Variants in CSMD1 observed in about 807,000 individuals in gnomAD.
The protein encoded by CSMD1 is CUB and Sushi multiple domains 1, also known as CUB and sushi domain-containing protein 1.
CSMD1 carries 213 observed loss-of-function variants against 417.5 expected under a neutral mutation model. The ratio of observed to expected loss-of-function variants is 0.51; its 90% CI spans 0.46 to 0.57. The LOEUF is 0.57. CSMD1 is among the 20% of genes least tolerant of loss of function. The probability of loss-of-function intolerance (pLI) is 0.00; values close to 1 mark genes in which losing one functional copy is unlikely to be tolerated. For missense variants in CSMD1, 6,923 were observed against 4,529.7 expected (o/e 1.53, Z -15.17); for synonymous variants, 2,862 against 1,736.8 (o/e 1.65, Z -16.11).
At chr8:4,173,373 T>A (rs556951645) in intron 3 of CSMD1, among the ~76,000 whole-genome samples, 1 of 152,094 alleles carries the variant, frequency 6.6e-6, no homozygotes, top group Non-Finnish European at 1.5e-5. Context: ...GAACAGAAGA[T>A]GAGACAGAGG....
chr8:3,054,045 C>T (rs764755395), intron 49 of CSMD1, among the ~76,000 whole-genome samples: 56 of 152,284 alleles, frequency 3.7e-4, no homozygotes, highest in Non-Finnish European at 7.1e-4. Context: ...CCTAAGGTGA[C>T]ACAATGACTT....
intron 1 of CSMD1, among the ~76,000 whole-genome samples, chr8:4,722,285 A>T (rs577326360): frequency 5.3e-5 from 8 of 152,212 alleles, no homozygotes; most frequent in African/African-American, 1.9e-4. Flanking sequence ...TTAAATACAG[A>T]CTGCAAGAAA....
intron 8 of CSMD1, among the ~76,000 whole-genome samples, chr8:3,613,925 A>C (rs987065002): frequency 3.9e-5 from 6 of 152,172 alleles, no homozygotes; most frequent in Non-Finnish European, 8.8e-5. Flanking sequence ...ATACATTTAA[A>C]GAAGAAAAAG....
chr8:3,597,300 G>C (rs1387254153), intron 8 of CSMD1, among the ~76,000 whole-genome samples: 2 of 152,084 alleles, frequency 1.3e-5, no homozygotes, highest in African/African-American at 2.4e-5. Flanking sequence ...TTCTGAAGCT[G>C]AGCACAGCTT....
intron 10 of CSMD1, among the ~76,000 whole-genome samples, chr8:3,529,735 C>G (rs967529025): frequency 6.6e-6 from 1 of 152,136 alleles, no homozygotes; most frequent in Non-Finnish European, 1.5e-5. Flanking sequence ...GTTTTACTCA[C>G]AGGAAACGGA....
chr8:4,974,302 A>T (rs534188260), intron 1 of CSMD1, among the ~76,000 whole-genome samples: 1 of 152,154 alleles, frequency 6.6e-6, no homozygotes, highest in Admixed American at 6.6e-5. Context: ...CTGGGATTAC[A>T]GGCGCAAGAT....
intron 1 of CSMD1, among the ~76,000 whole-genome samples, chr8:4,808,063 T>A (rs1363674875): frequency 6.6e-6 from 1 of 152,182 alleles, no homozygotes; most frequent in East Asian, 1.9e-4. Flanking sequence ...TAAATAATAC[T>A]CGTGTGGGCT....
intron 5 of CSMD1, among the ~76,000 whole-genome samples, chr8:3,965,020 G>A (rs1812575640): frequency 6.6e-6 from 1 of 152,186 alleles, no homozygotes; most frequent in Admixed American, 6.5e-5. Flanking sequence ...TAAAGTAGGT[G>A]ATAGTTTCTA....
At chr8:3,978,785 A>T (rs1221452788) in intron 5 of CSMD1, among the ~76,000 whole-genome samples, 1 of 152,100 alleles carries the variant, frequency 6.6e-6, no homozygotes, top group Admixed American at 6.6e-5. Context: ...TTTTAAGGGA[A>T]AGCAGCTTTC....
rs5889000 is a variant in CSMD1 at position 3,933,031 on chromosome 8, T to TA, written c.818+64871dup. Among the ~76,000 whole-genome samples the TA allele has an allele frequency of 6.2e-4, 88 of 143,048 alleles. 2 individuals carry two copies. Among genetic ancestry groups the TA allele is most frequent in the East Asian group, 2.5e-3 (12 of 4,786 alleles). The allele number at this position is 143,048 out of a possible 152,430, so 93.8% of individuals were successfully genotyped here. A position where few individuals can be genotyped will look rare whatever the true frequency, so the allele number is the denominator to read the frequency against. ...ATTATAGAACAAGTGAAATGTATGA[T>TA]AAAAAAAAAAAACTGCTTGTGGCAA... On this transcript the variant is annotated intron_variant, in intron 5 of 69. Coordinates refer to ENST00000635120, the MANE Select transcript of CSMD1 (RefSeq NM_033225.6).
At chr8:4,319,649 C>T (rs1445752067) in intron 3 of CSMD1, among the ~76,000 whole-genome samples, 1 of 151,996 alleles carries the variant, frequency 6.6e-6, no homozygotes, top group Non-Finnish European at 1.5e-5. Context: ...CAGTTCACTG[C>T]CTGGAAAGAG....
chr8:3,970,498 T>C (rs1813005524), intron 5 of CSMD1, among the ~76,000 whole-genome samples: 1 of 152,196 alleles, frequency 6.6e-6, no homozygotes, highest in Non-Finnish European at 1.5e-5. Flanking sequence ...AATGTTCACA[T>C]TCTTGGTTTT....
At chr8:4,192,359 G>A (rs188223082) in intron 3 of CSMD1, among the ~76,000 whole-genome samples, 29 of 152,246 alleles carry the variant, frequency 1.9e-4, no homozygotes, top group African/African-American at 7.0e-4. Context: ...GTTCTTGGAT[G>A]TCTTAGAGAC....
chr8:4,434,208 A>T (rs1238522), intron 2 of CSMD1, among the ~76,000 whole-genome samples: 96,110 of 151,904 alleles, frequency 0.63, 30,452 homozygotes, highest in Admixed American at 0.66. Context: ...CATGGTAATG[A>T]GCACCTGTAA....
chr8:4,120,995 CT>C (rs1218935929), intron 3 of CSMD1, among the ~76,000 whole-genome samples: 9 of 152,252 alleles, frequency 5.9e-5, no homozygotes, highest in Middle Eastern at 6.8e-3. Flanking sequence ...AAACATGAAC[CT>C]TTTGATGGCT....
intron 10 of CSMD1, among the ~76,000 whole-genome samples, chr8:3,506,221 C>CT (rs1264478708): frequency 6.6e-6 from 1 of 152,124 alleles, no homozygotes; most frequent in Non-Finnish European, 1.5e-5. Flanking sequence ...GGAGACGGCC[C>CT]TGGGGGAGAG....
chr8:3,099,210 G>A (rs900684137), intron 46 of CSMD1, among the ~76,000 whole-genome samples: 2 of 151,964 alleles, frequency 1.3e-5, no homozygotes, highest in African/African-American at 4.8e-5. Context: ...AAACCATCCA[G>A]ACCACACAGA....
chr8:3,528,272 T>A (rs916931178), intron 10 of CSMD1, among the ~76,000 whole-genome samples: 1 of 152,220 alleles, frequency 6.6e-6, no homozygotes, highest in Non-Finnish European at 1.5e-5. Flanking sequence ...AATCACCAGG[T>A]TCTTGTATGC....
chr8:2,994,627 C>A (rs1806715673), intron 54 of CSMD1, among the ~76,000 whole-genome samples: 1 of 152,148 alleles, frequency 6.6e-6, no homozygotes, highest in Non-Finnish European at 1.5e-5. Flanking sequence ...TTAAAGCCAT[C>A]AATGTTTTAT....
Sources: gnomAD v4.1 joint callset for allele counts (sites outside exome capture counted in the v4.1 genomes callset) on GRCh38, gnomAD v4.1.1 for gene constraint, MANE v1.5 for transcripts, NCBI Gene and HGNC (gene_info 2026-07-23, HGNC 2026-07-21) for gene names.